SCN4A: variants seen among roughly 807,000 people sequenced by gnomAD.
The protein encoded by SCN4A is sodium voltage-gated channel alpha subunit 4.
A neutral mutation model predicts 162.0 loss-of-function variants in SCN4A; 83 were observed. The observed-to-expected ratio is 0.51, with a 90% CI of 0.43 to 0.61. The LOEUF (loss-of-function observed/expected upper bound fraction) is 0.61. Ranked by LOEUF, SCN4A falls within the 20% of genes least tolerant of loss-of-function variation. The pLI, the probability that SCN4A is intolerant of heterozygous loss-of-function variation, is 0.00. For missense variants in SCN4A, 2,196 were observed against 2,462.5 expected (o/e 0.89, Z 2.29); for synonymous variants, 944 against 985.1 (o/e 0.96, Z 0.78).
At position 63,957,276 on chromosome 17, in the gene SCN4A, G is replaced by T. The variant is rs372634288; in HGVS notation, c.2262C>A (p.Val754=). Residue 754 remains valine (V), a synonymous_variant, in exon 13 of 24, where the codon GTC becomes GTA. Coordinates refer to ENST00000435607, the MANE Select transcript of SCN4A (RefSeq NM_000334.4). The stretch of plus-strand genomic sequence containing the variant: ...TCCACTCCCCGCACAGGATGCGGAA[G>T]ACGATGAGGAAGGAGTGGAAGAAAT... ...MHDFFHSFLI[V]FRILCGEWIE... 1.2e-6 allele frequency: 2 copies of T among 1,614,160 alleles called. No homozygotes were observed. The highest frequency in any genetic ancestry group is 1.7e-6 in the Non-Finnish European group (2 of 1,179,986).
intron 23 of SCN4A, among the ~76,000 whole-genome samples, chr17:63,942,277 G>A (rs1398562036): frequency 1.3e-5 from 2 of 151,884 alleles, no homozygotes; most frequent in Non-Finnish European, 2.9e-5. Flanking sequence ...GTGTGTGTGT[G>A]TGTGTGTGTG....
intron 15 of SCN4A, among the ~76,000 whole-genome samples, chr17:63,949,152 G>A (rs929912960): frequency 6.6e-6 from 1 of 152,210 alleles, no homozygotes; most frequent in Non-Finnish European, 1.5e-5. Flanking sequence ...TGGAGGGGAG[G>A]ATCTCAGGAG....
intron 5 of SCN4A, among the ~76,000 whole-genome samples, chr17:63,970,040 C>T (rs1909568035): frequency 1.3e-5 from 2 of 152,132 alleles, no homozygotes; most frequent in South Asian, 4.1e-4. Flanking sequence ...AGAGAATCTC[C>T]AGTTTCTCCA....
Position 63,966,191 on chromosome 17 carries a change from C to T in SCN4A, c.1153G>A (p.Gly385Ser), listed in dbSNP as rs775044783. ...CTGAAGGTGTCATAGCTGGTGTAGCCATAGTTGGGGTTCCGCCCGGTCTTG... is the reference window on the plus strand; with the variant it reads ...CTGAAGGTGTCATAGCTGGTGTAGCTATAGTTGGGGTTCCGCCCGGTCTTG... ...CIKTGRNPNY[G>S]YTSYDTFSWA... Residue 385 changes from glycine (G) to serine (S), a missense_variant, in exon 8 of 24, where the codon GGC (glycine) becomes AGC (serine). By Grantham distance (56) the Gly-to-Ser change is moderately conservative. Coordinates refer to ENST00000435607, the MANE Select transcript of SCN4A (RefSeq NM_000334.4). 1 of 1,601,344 alleles carries T rather than the reference C, an allele frequency of 6.2e-7. No homozygotes were observed. The highest frequency in any genetic ancestry group is 1.1e-5 in the South Asian group (1 of 88,404).
At position 63,959,376 on chromosome 17, in the gene SCN4A, C is replaced by T; in HGVS notation, c.1908G>A (p.Glu636=). Residue 636 remains glutamate, a synonymous_variant, in exon 12 of 24, where the codon GAG becomes GAA. Coordinates refer to ENST00000435607, the MANE Select transcript of SCN4A (RefSeq NM_000334.4). ...VLKLIAMDPY[E]YFQQGWNIFD... The stretch of plus-strand genomic sequence containing the variant: ...AGATATTCCAACCCTGCTGGAAATA[C>T]TCGTAGGGGTCCATGGCAATCAGCT... 6.2e-7 allele frequency: 1 copy of T among 1,613,954 alleles called. No homozygotes were observed. Among genetic ancestry groups the T allele is most frequent in the Non-Finnish European group, 8.5e-7 (1 of 1,179,870 alleles).
At position 63,951,070 on chromosome 17, in the gene SCN4A, A is replaced by G. The variant is rs1908891726; in HGVS notation, c.2853+354T>C. Reference sequence around the variant, plus strand: ...AAACCCAGAGGAGAATATGTAAGAGAGGCCTCTCAGGTCCTGGTCCTGGAG... The same window carrying G: ...AAACCCAGAGGAGAATATGTAAGAGGGGCCTCTCAGGTCCTGGTCCTGGAG... On this transcript the variant is annotated intron_variant, in intron 14 of 23. Transcript: ENST00000435607. The surrounding 1 kb of genome is among the most constrained non-coding windows in gnomAD (Gnocchi z 4.5). 6.6e-6 allele frequency among the ~76,000 whole-genome samples: 1 copy of G among 152,154 alleles called. No homozygotes were observed. The highest frequency in any genetic ancestry group is 2.4e-5 in the African/African-American group (1 of 41,424).
chr17:63,945,670 C>T lies in SCN4A; in HGVS notation c.3442-32G>A, dbSNP rs918006919. ...GCCAGGGGGTCCATTGCCAGTGCCT[C>T]TCCCAGCCTCTGAGAGAGGGCTCCA... is the stretch of plus-strand genomic sequence containing the variant. On this transcript the variant is annotated intron_variant, in intron 18 of 23. Coordinates refer to ENST00000435607, the MANE Select transcript of SCN4A (RefSeq NM_000334.4). This position sits in a 1 kb window ranked among gnomAD's most constrained non-coding sequence, Gnocchi z 4.4. 2 of 1,612,280 alleles carry T rather than the reference C, an allele frequency of 1.2e-6. No individual in the cohort carries two copies. The highest frequency in any genetic ancestry group is 3.3e-5 in the Admixed American group (2 of 60,000).
chr17:63,947,955 C>T lies in SCN4A; in HGVS notation c.3253G>A (p.Val1085Met). The change falls in exon 17 of 24, where the codon GTG becomes ATG. Residue 1085 changes from valine to methionine, a missense_variant. By Grantham distance (21) the Val-to-Met change is conservative. Coordinates refer to ENST00000435607, the MANE Select transcript of SCN4A (RefSeq NM_000334.4). Reference protein sequence around the residue: ...IFIMEMLLKWVAYGFKVYFTN... With the variant: ...IFIMEMLLKWMAYGFKVYFTN... Reference sequence around the variant, plus strand: ...AAGTACACCTTAAAGCCGTAGGCCACCCATTTGAGCAGCATCTCCATGATG... The same window carrying T: ...AAGTACACCTTAAAGCCGTAGGCCATCCATTTGAGCAGCATCTCCATGATG... 3.7e-6 allele frequency: 6 copies of T among 1,614,010 alleles called. No homozygotes were observed. The highest frequency in any genetic ancestry group is 5.1e-6 in the Non-Finnish European group (6 of 1,179,902).
At position 63,972,109 on chromosome 17, in the gene SCN4A, G is replaced by A; in HGVS notation, c.482+27C>T. ...TGAGATGGGCTGTGTCCCAGGGCTG[G>A]GGAGCTCAGGGAGCAGGGAGACTTA... On this transcript the variant is annotated intron_variant, in intron 3 of 23. Transcript: ENST00000435607. This position sits in a 1 kb window ranked among gnomAD's most constrained non-coding sequence, Gnocchi z 4.3. The A allele has an allele frequency of 1.9e-6, 3 of 1,547,568 alleles. No homozygotes were observed. The highest frequency in any genetic ancestry group is 1.8e-6 in the Non-Finnish European group (2 of 1,123,244).
Position 63,968,302 on chromosome 17 carries a change from C to T in SCN4A, c.757G>A (p.Val253Met), listed in dbSNP as rs772899378. Residue 253 changes from valine (V) to methionine (M), a missense_variant, in exon 6 of 24, where the codon GTG (valine) becomes ATG (methionine). Val to Met is a conservative substitution (Grantham distance 21). Coordinates refer to ENST00000435607, the MANE Select transcript of SCN4A (RefSeq NM_000334.4). Reference protein sequence around the residue: ...LIQSVKKLSDVMILTVFCLSV... With the variant: ...LIQSVKKLSDMMILTVFCLSV... ...AGGCAGAAGACAGTGAGGATCATCACATCCGACAGCTTTTTCACCGACTGG... is the reference window on the plus strand; with the variant it reads ...AGGCAGAAGACAGTGAGGATCATCATATCCGACAGCTTTTTCACCGACTGG... 6.2e-6 allele frequency: 10 copies of T among 1,610,854 alleles called. No homozygotes were observed. Among genetic ancestry groups the T allele is most frequent in the Admixed American group, 5.0e-5 (3 of 59,976 alleles).
intron 5 of SCN4A, among the ~76,000 whole-genome samples, chr17:63,968,794 A>C (rs1269648735): frequency 6.6e-6 from 1 of 152,240 alleles, no homozygotes; most frequent in Non-Finnish European, 1.5e-5. Context: ...AGTTGATCCT[A>C]TCAAAGGCTT....
chr17:63,966,022 C>T (rs933590578), intron 8 of SCN4A, 80 bp downstream of exon 8: 6 of 1,105,146 alleles, frequency 5.4e-6, no homozygotes, highest in Admixed American at 2.0e-5. Flanking sequence ...CTGTGGTAGG[C>T]CCCATCAGGC....
intron 8 of SCN4A, among the ~76,000 whole-genome samples, chr17:63,965,440 C>T (rs563178717): frequency 1.3e-5 from 2 of 152,332 alleles, no homozygotes; most frequent in South Asian, 4.1e-4. Context: ...CTCAGCCTGC[C>T]TTCCCTGCAA....
intron 5 of SCN4A, among the ~76,000 whole-genome samples, chr17:63,969,715 C>T (rs1909560291): frequency 6.6e-6 from 1 of 151,212 alleles, no homozygotes; most frequent in African/African-American, 2.4e-5. Flanking sequence ...GTGATCTCGG[C>T]TCACTGCAAC....
intron 7 of SCN4A, 34 bp from the exon 8 acceptor site, chr17:63,966,277 G>C: frequency 6.3e-7 from 1 of 1,591,630 alleles, no homozygotes; most frequent in Non-Finnish European, 8.6e-7. Flanking sequence ...GTTTAGGGTG[G>C]GAGGAGCACT....
chr17:63,963,643 A>C (rs1325845082), intron 10 of SCN4A, 29 bp downstream of exon 10: 1 of 1,523,944 alleles, frequency 6.6e-7, no homozygotes, highest in African/African-American at 1.4e-5. Context: ...ACCCCTACCT[A>C]AGTGGGCACG....
chr17:63,967,857 C>T (rs1028209150), intron 6 of SCN4A, among the ~76,000 whole-genome samples, 166 bp downstream of exon 6: 98 of 150,248 alleles, frequency 6.5e-4, no homozygotes, highest in Non-Finnish European at 8.6e-4. Context: ...CGCTTGAAGC[C>T]GGGAGGCGGA....
intron 13 of SCN4A, among the ~76,000 whole-genome samples, chr17:63,953,678 C>CA (rs1189720940): frequency 3.1e-4 from 45 of 145,568 alleles, no homozygotes; most frequent in African/African-American, 1.2e-3. Flanking sequence ...CGAGACCCTG[C>CA]CTTGAAGAAA....
rs532921435 is a variant in SCN4A at position 63,964,638 on chromosome 17, C to T, written c.1282G>A (p.Val428Met). The T allele has an allele frequency of 2.5e-5, 40 of 1,611,878 alleles. No homozygotes were observed. Among genetic ancestry groups the T allele is most frequent in the Admixed American group, 1.0e-4 (6 of 59,704 alleles). Reference protein sequence around the residue: ...AAGKTYMIFFVVIIFLGSFYL... With the variant: ...AAGKTYMIFFMVIIFLGSFYL... ...AAAGAGCCCAGGAAGATGATGACCA[C>T]GAAGAAGATCATGTAGGTCTTGCCA... The change falls in exon 9 of 24, where the codon GTG (valine) becomes ATG (methionine). Residue 428 changes from valine (V) to methionine (M), a missense_variant. Transcript: ENST00000435607.
Sources: gnomAD v4.1 joint callset for allele counts (sites outside exome capture counted in the v4.1 genomes callset) on GRCh38, gnomAD v4.1.1 for gene constraint, Gnocchi (gnomAD v3.1) non-coding constraint, MANE v1.5 for transcripts, NCBI Gene and HGNC (gene_info 2026-07-23, HGNC 2026-07-21) for gene names.